The following KAT6B variants were observed in gnomAD, a reference collection of about 807,000 sequenced individuals.
KAT6B encodes the protein lysine acetyltransferase 6B.
Under a neutral mutation model 187.5 loss-of-function variants are expected in KAT6B, and 10 were observed. That is an observed-to-expected ratio of 0.05 (90% CI 0.03 to 0.09). The LOEUF (loss-of-function observed/expected upper bound fraction) is 0.09. KAT6B is among the 10% of genes least tolerant of loss of function. The pLI, the probability that KAT6B is intolerant of heterozygous loss-of-function variation, is 1.00. For synonymous variants in KAT6B, 861 were observed against 926.8 expected (o/e 0.93, Z 1.29); for missense variants, 1,952 against 2,558.9 (o/e 0.76, Z 5.12).
chr10:74,941,896 C>CT (rs1306266858), intron 3 of KAT6B, among the ~76,000 whole-genome samples: 1 of 152,206 alleles, frequency 6.6e-6, no homozygotes, highest in Non-Finnish European at 1.5e-5. Flanking sequence ...AATCCCAGCA[C>CT]TTTGGGAGGC....
intron 3 of KAT6B, among the ~76,000 whole-genome samples, chr10:74,887,583 C>G (rs941515572): frequency 1.1e-4 from 16 of 152,226 alleles, no homozygotes; most frequent in South Asian, 4.1e-4. Flanking sequence ...CCTCAGCCTC[C>G]CAAAGTGCTG....
chr10:74,904,695 T>C (rs1846635246), intron 3 of KAT6B, among the ~76,000 whole-genome samples: 1 of 152,250 alleles, frequency 6.6e-6, no homozygotes, highest in South Asian at 2.1e-4. Flanking sequence ...GAGTCCAGGC[T>C]TGGTTGGATA....
intron 3 of KAT6B, among the ~76,000 whole-genome samples, chr10:74,906,787 C>T (rs956892014): frequency 6.6e-6 from 1 of 152,128 alleles, no homozygotes; most frequent in African/African-American, 2.4e-5. Context: ...ACACCCAGAC[C>T]CCTTTCCGGC....
In KAT6B at chr10:74,970,028, G is replaced by A. The variant is rs1841746203; in HGVS notation, c.855G>A (p.Met285Ile). The change falls in exon 6 of 18, where the codon ATG becomes ATA. Residue 285 changes from methionine (M) to isoleucine (I), a missense_variant. Around this residue, in one of 9 missense-constraint regions of KAT6B, gnomAD observed 24 missense variants for 42.7 expected, o/e 0.56. Coordinates refer to ENST00000287239, the MANE Select transcript of KAT6B (RefSeq NM_012330.4). ...AATATGTTATATTACAGGATAATAT[G>A]CTTTTTTGTGATTCCTGTGATAGAG... ...CRVQGRNADN[M>I]LFCDSCDRGF... is the part of the protein sequence containing the mutation. The A allele has an allele frequency of 6.2e-7, 1 of 1,608,656 alleles. No individual in the cohort carries two copies. The highest frequency in any genetic ancestry group is 2.2e-5 in the East Asian group (1 of 44,848).
At chr10:74,956,629 C>T (rs1457275045) in intron 3 of KAT6B, among the ~76,000 whole-genome samples, 3 of 151,636 alleles carry the variant, frequency 2.0e-5, no homozygotes, top group South Asian at 4.2e-4. Context: ...TTGAGTACAG[C>T]TCTACACCTG....
At chr10:74,840,479 A>G (rs1010312192) in intron 2 of KAT6B, among the ~76,000 whole-genome samples, 1 of 152,228 alleles carries the variant, frequency 6.6e-6, no homozygotes, top group African/African-American at 2.4e-5. Context: ...AGGAATAGGA[A>G]TAGGGTCGAA....
At chr10:74,828,415 C>T (rs1359579505) in intron 1 of KAT6B, among the ~76,000 whole-genome samples, 1 of 149,082 alleles carries the variant, frequency 6.7e-6, no homozygotes, top group African/African-American at 2.5e-5. Context: ...TAGTTGTGTT[C>T]GAACAGTCTT....
rs1490857308 is a variant in KAT6B at position 75,030,438 on chromosome 10, C to A, written c.5614C>A (p.Pro1872Thr). ...SQSPHSVPGG[P>T]QAQATMTPPP... ...GTCTCCACACTCCGTCCCTGGGGGA[C>A]CCCAAGCACAAGCTACCATGACCCC... is the stretch of plus-strand genomic sequence containing the variant. Residue 1872 changes from proline to threonine, a missense_variant, in exon 18 of 18, where the codon CCC becomes ACC. By Grantham distance (38) the Pro-to-Thr change is conservative. Transcript: ENST00000287239. This position sits in a 1 kb window ranked among gnomAD's most constrained non-coding sequence, Gnocchi z 4.8. 1 of 1,614,180 alleles carries A rather than the reference C, an allele frequency of 6.2e-7. No homozygotes were observed.
intron 13 of KAT6B, among the ~76,000 whole-genome samples, chr10:75,012,259 G>A (rs1213092959): frequency 6.6e-6 from 1 of 152,034 alleles, no homozygotes; most frequent in Non-Finnish European, 1.5e-5. Flanking sequence ...ACCAGCCTGG[G>A]CAACATGGTG....
At chr10:74,835,416 A>C (rs79081925) in intron 1 of KAT6B, among the ~76,000 whole-genome samples, 3,518 of 152,090 alleles carry the variant, frequency 0.023, 134 homozygotes, top group African/African-American at 0.08. Flanking sequence ...CTTATGGGGA[A>C]GACAAATATA....
chr10:74,930,200 G>A (rs568949253), intron 3 of KAT6B, among the ~76,000 whole-genome samples: 1 of 152,158 alleles, frequency 6.6e-6, no homozygotes, highest in Non-Finnish European at 1.5e-5. Context: ...TGGGATTATA[G>A]CTGTGAGCCA....
At chr10:74,978,258 G>A (rs1312643358) in intron 9 of KAT6B, among the ~76,000 whole-genome samples, 1 of 152,166 alleles carries the variant, frequency 6.6e-6, no homozygotes, top group Non-Finnish European at 1.5e-5. Context: ...CTATCAGGAT[G>A]CCTTGTATCA....
intron 10 of KAT6B, among the ~76,000 whole-genome samples, chr10:74,980,253 G>T (rs893414541): frequency 6.6e-6 from 1 of 152,192 alleles, no homozygotes; most frequent in African/African-American, 2.4e-5. Context: ...ATCCCAAAAT[G>T]GGTACATTGA....
rs1264397368 is a variant in KAT6B at position 75,025,118 on chromosome 10, T to C, written c.3533T>C (p.Ile1178Thr). The change falls in exon 17 of 18, where the codon ATT becomes ACT. Residue 1178 changes from isoleucine to threonine, a missense_variant. Physicochemically the swap from Ile to Thr is moderately conservative, Grantham distance 89. Around this residue, in one of 9 missense-constraint regions of KAT6B, gnomAD observed 758 missense variants for 891.4 expected, o/e 0.85. Transcript: ENST00000287239. ...CCACAGCTGGAGCCTACCTGTGAGA[T>C]TGAAGTGGAGGAAGATGGCAGGAAG... ...PMPQLEPTCE[I>T]EVEEDGRKPV... 11 of 1,613,950 alleles carry C rather than the reference T, an allele frequency of 6.8e-6. No homozygotes were observed. Among genetic ancestry groups the C allele is most frequent in the African/African-American group, 4.0e-5 (3 of 74,868 alleles).
At chr10:74,924,041 G>C (rs934847372) in intron 3 of KAT6B, among the ~76,000 whole-genome samples, 2 of 152,166 alleles carry the variant, frequency 1.3e-5, no homozygotes, top group Non-Finnish European at 2.9e-5. Flanking sequence ...ACTTGATGCA[G>C]AGTGTTAGAA....
At chr10:74,921,364 T>C (rs1848114878) in intron 3 of KAT6B, among the ~76,000 whole-genome samples, 1 of 152,158 alleles carries the variant, frequency 6.6e-6, no homozygotes, top group Non-Finnish European at 1.5e-5. Context: ...TCCGCCTGCC[T>C]TGAACTCCCA....
chr10:74,889,226 T>A (rs1023663029), intron 3 of KAT6B, among the ~76,000 whole-genome samples: 2 of 152,238 alleles, frequency 1.3e-5, no homozygotes, highest in Non-Finnish European at 2.9e-5. Flanking sequence ...ATTCCATTAT[T>A]GTGTAACGAA....
At chr10:74,825,845 G>A (rs1201266730), upstream of KAT6B, among the ~76,000 whole-genome samples, 1 of 151,812 alleles carries the variant, frequency 6.6e-6, no homozygotes, top group Admixed American at 6.5e-5. The surrounding 1 kb of genome is among the most constrained non-coding windows in gnomAD (Gnocchi z 5.0). Flanking sequence ...ACCCGGCCTG[G>A]GGCTGGCAGG....
Position 75,028,782 on chromosome 10 carries a change from C to A in KAT6B, c.3958C>A (p.Pro1320Thr), listed in dbSNP as rs766620893. ...CAAGGAAACTGGGGAAGCCCTGTTG[C>A]CTCAAGAGGAAAACAGAAGGGAAGA... ...EVKETGEALL[P>T]QEENRREETC... The change falls in exon 18 of 18, where the codon CCT becomes ACT. Residue 1320 changes from proline (P) to threonine (T), a missense_variant. Coordinates refer to ENST00000287239, the MANE Select transcript of KAT6B (RefSeq NM_012330.4). 1 of 1,614,022 alleles carries A rather than the reference C, an allele frequency of 6.2e-7. No homozygotes were observed. The highest frequency in any genetic ancestry group is 8.5e-7 in the Non-Finnish European group (1 of 1,180,016).
Sources: allele counts gnomAD v4.1 joint callset (sites outside exome capture counted in the v4.1 genomes callset), GRCh38; gene constraint gnomAD v4.1.1; regional missense constraint gnomAD v4.1.1; non-coding constraint Gnocchi (gnomAD v3.1); transcripts MANE v1.5; gene names NCBI Gene and HGNC (gene_info 2026-07-23, HGNC 2026-07-21).